The following RPRD1A variants were observed in gnomAD, a reference collection of about 807,000 sequenced individuals.
RPRD1A encodes the protein regulation of nuclear pre-mRNA domain containing 1A, also known as regulation of nuclear pre-mRNA domain-containing protein 1A.
In RPRD1A, 9 loss-of-function variants were observed where a neutral mutation model predicts 37.8. The ratio of observed to expected loss-of-function variants is 0.24; its 90% confidence interval spans 0.14 to 0.42. The LOEUF (loss-of-function observed/expected upper bound fraction) is 0.42, where lower values mean the gene tolerates loss of function less well. Among genes scored for constraint, RPRD1A ranks in the 10% least tolerant of loss-of-function variants. The pLI, the probability that RPRD1A is intolerant of heterozygous loss-of-function variation, is 1.00. For synonymous variants in RPRD1A, 138 were observed against 139.7 expected, an observed-to-expected ratio of 0.99 and a Z score of 0.08; for missense variants, 255 against 371.0, an observed-to-expected ratio of 0.69 and a Z score of 2.57.
intron 1 of RPRD1A, among the ~76,000 whole-genome samples, chr18:36,050,216 T>A (rs910813754): frequency 6.6e-6 from 1 of 151,822 alleles, no homozygotes; most frequent in Non-Finnish European, 1.5e-5. Flanking sequence ...GAAAAAAGGT[T>A]GAAATTGTAA....
intron 6 of RPRD1A, among the ~76,000 whole-genome samples, chr18:36,007,149 T>C (rs142971260): frequency 0.013 from 2,011 of 152,344 alleles, 41 homozygotes; most frequent in African/African-American, 0.046. Context: ...CCAGTAGTTC[T>C]GAATTATCTA....
chr18:36,052,308 T>C (rs191484283), intron 1 of RPRD1A, among the ~76,000 whole-genome samples: 1 of 151,984 alleles, frequency 6.6e-6, no homozygotes, highest in East Asian at 1.9e-4. Context: ...AAGACAGTCC[T>C]TCAGGATGAA....
Position 36,046,081 on chromosome 18 carries a change from A to G in RPRD1A, c.152-12244T>C, listed in dbSNP as rs574754341. Among the ~76,000 whole-genome samples, 11 of 152,338 alleles carry G rather than the reference A, an allele frequency of 7.2e-5. No individual in the cohort carries two copies. In the East Asian group the frequency reaches 1.7e-3, roughly 24 times the overall value. Reference sequence around the variant, plus strand: ...TTTATGATTATATTAAAATTTTAATATAGGTCATGATTTTTCTACTAAAAC... The same window carrying G: ...TTTATGATTATATTAAAATTTTAATGTAGGTCATGATTTTTCTACTAAAAC... On this transcript the variant is annotated intron_variant, in intron 1 of 6. Coordinates refer to ENST00000399022, the MANE Select transcript of RPRD1A (RefSeq NM_018170.5).
intron 1 of RPRD1A, among the ~76,000 whole-genome samples, chr18:36,043,202 G>GGGT (rs1912715908): frequency 7.2e-6 from 1 of 138,418 alleles, no homozygotes; most frequent in Non-Finnish European, 1.6e-5. Context: ...GAATCGGGGG[G>GGGT]GGGGGAAGAA....
intron 1 of RPRD1A, among the ~76,000 whole-genome samples, chr18:36,043,746 C>G (rs1468626234): frequency 1.3e-5 from 2 of 152,112 alleles, no homozygotes; most frequent in African/African-American, 4.8e-5. Context: ...GAGCACTGTT[C>G]TAAGTTTATT....
intron 6 of RPRD1A, among the ~76,000 whole-genome samples, chr18:36,018,911 C>A (rs1463544835): frequency 1.3e-5 from 2 of 151,980 alleles, no homozygotes; most frequent in Non-Finnish European, 2.9e-5. Context: ...GGAAAAGGAA[C>A]CAGCTAAGGA....
intron 6 of RPRD1A, among the ~76,000 whole-genome samples, chr18:35,993,603 T>A (rs1355236729): frequency 6.6e-6 from 1 of 152,108 alleles, no homozygotes; most frequent in Non-Finnish European, 1.5e-5. Flanking sequence ...GCAAGAAAAA[T>A]TACATATTTA....
intron 6 of RPRD1A, among the ~76,000 whole-genome samples, chr18:35,995,324 C>T (rs970960839): frequency 7.3e-6 from 1 of 136,336 alleles, no homozygotes. Flanking sequence ...AGTGCAATGG[C>T]GCTATCTCAG....
At chr18:36,034,775 T>C (rs1184997191) in intron 1 of RPRD1A, among the ~76,000 whole-genome samples, 1 of 152,206 alleles carries the variant, frequency 6.6e-6, no homozygotes, top group African/African-American at 2.4e-5. Context: ...GACAAAAATC[T>C]TGATCAGGCT....
chr18:36,042,760 A>T (rs1837759581), intron 1 of RPRD1A, among the ~76,000 whole-genome samples: 1 of 152,238 alleles, frequency 6.6e-6, no homozygotes, highest in Non-Finnish European at 1.5e-5. Context: ...AGTGACCAAG[A>T]CTAAAGTCTG....
At chr18:36,043,299 A>G (rs1429477227) in intron 1 of RPRD1A, among the ~76,000 whole-genome samples, 1 of 150,812 alleles carries the variant, frequency 6.6e-6, no homozygotes, top group Non-Finnish European at 1.5e-5. Flanking sequence ...CATGCTGAAA[A>G]AGGCTTCAGC....
intron 6 of RPRD1A, among the ~76,000 whole-genome samples, chr18:36,022,917 G>A (rs1362598735): frequency 6.6e-6 from 1 of 152,168 alleles, no homozygotes; most frequent in East Asian, 1.9e-4. Flanking sequence ...AGCTGTGATT[G>A]CATGACTACT....
At chr18:36,020,113 T>C (rs750520483) in intron 6 of RPRD1A, among the ~76,000 whole-genome samples, 2 of 152,126 alleles carry the variant, frequency 1.3e-5, no homozygotes, top group South Asian at 2.1e-4. Context: ...CAACAGGAAA[T>C]AATGACCGAA....
chr18:36,052,167 A>AAC (rs1298544892), intron 1 of RPRD1A, among the ~76,000 whole-genome samples: 29 of 151,516 alleles, frequency 1.9e-4, no homozygotes, highest in African/African-American at 6.8e-4. Context: ...AGAAAAAAAA[A>AAC]AAAACTGTCA....
intron 4 of RPRD1A, chr18:36,028,116 T>C (rs568337861): frequency 1.3e-3 from 205 of 152,192 alleles, no homozygotes; most frequent in African/African-American, 4.8e-3. Context: ...CTCCAGCCCA[T>C]CTTTTTCATC....
intron 6 of RPRD1A, among the ~76,000 whole-genome samples, chr18:36,020,649 G>A (rs1422254424): frequency 1.3e-5 from 2 of 152,072 alleles, no homozygotes; most frequent in African/African-American, 4.8e-5. Flanking sequence ...GAGCAACACA[G>A]CAAAACCTCA....
At chr18:36,064,478 G>A (rs1403727718) in intron 1 of RPRD1A, 1 of 152,294 alleles carries the variant, frequency 6.6e-6, no homozygotes, top group African/African-American at 2.4e-5. Context: ...TCACCACTCT[G>A]TGTCTAGCTC....
intron 6 of RPRD1A, among the ~76,000 whole-genome samples, chr18:36,009,690 T>C (rs1478522968): frequency 1.3e-5 from 2 of 152,382 alleles, no homozygotes; most frequent in Admixed American, 1.3e-4. Context: ...TCAACCATTA[T>C]GAATAGAACT....
chr18:36,067,279 G>A lies in RPRD1A; in HGVS notation c.126C>T (p.Thr42=), dbSNP rs1319452077. ...CTTTCCGCAGCTCCCGCTCCCACAC[G>A]GTGACGATGGGACGCGAGTGTTTAC... ...HHRKHSRPIV[T]VWERELRKAK... Residue 42 remains threonine, a synonymous_variant, in exon 1 of 7, where the codon ACC becomes ACT. Coordinates refer to ENST00000399022, the MANE Select transcript of RPRD1A (RefSeq NM_018170.5). 1.3e-6 allele frequency: 2 copies of A among 1,597,954 alleles called. No individual in the cohort carries two copies. Among genetic ancestry groups the A allele is most frequent in the Admixed American group, 1.7e-5 (1 of 57,866 alleles).
Sources: gnomAD v4.1 joint callset for allele counts (sites outside exome capture counted in the v4.1 genomes callset) on GRCh38, gnomAD v4.1.1 for gene constraint, MANE v1.5 for transcripts, NCBI Gene and HGNC (gene_info 2026-07-23, HGNC 2026-07-21) for gene names.